Variants in PAPPA2 observed in about 807,000 individuals in gnomAD.
PAPPA2 encodes the protein pappalysin-2.
PAPPA2 carries 86 observed loss-of-function variants against 176.4 expected under a neutral mutation model. The observed-to-expected ratio is 0.49, with a 90% CI of 0.41 to 0.58. PAPPA2 has a LOEUF of 0.58. Ranked by LOEUF, PAPPA2 falls within the 20% of genes least tolerant of loss-of-function variation. The pLI is 0.00. For synonymous variants in PAPPA2, 809 were observed against 852.2 expected (o/e 0.95, Z 0.88); for missense variants, 2,073 against 2,256.9 (o/e 0.92, Z 1.65).
intron 1 of PAPPA2, among the ~76,000 whole-genome samples, chr1:176,525,460 A>G (rs1649450743): frequency 1.3e-5 from 2 of 152,192 alleles, no homozygotes; most frequent in South Asian, 4.1e-4. Context: ...TGTCAAAAAG[A>G]TGTTCAGGAT....
intron 3 of PAPPA2, among the ~76,000 whole-genome samples, chr1:176,665,106 A>G (rs1658565426): frequency 6.6e-6 from 1 of 152,274 alleles, no homozygotes; most frequent in Non-Finnish European, 1.5e-5. Flanking sequence ...GGGTGTGGGG[A>G]AGATTGTGAG....
At chr1:176,784,220 C>G (rs1468824458) in intron 17 of PAPPA2, among the ~76,000 whole-genome samples, 1 of 152,190 alleles carries the variant, frequency 6.6e-6, no homozygotes, top group Non-Finnish European at 1.5e-5. Flanking sequence ...GCCTGTTTGT[C>G]TAGTATCCAA....
chr1:176,781,365 C>CTTTTTTTTTTTTTTTTTTT (rs35029858), intron 17 of PAPPA2, among the ~76,000 whole-genome samples: 1 of 46,228 alleles, frequency 2.2e-5, no homozygotes, highest in Non-Finnish European at 3.7e-5. Flanking sequence ...TTGTAAGGGG[C>CTTTTTTTTTTTTTTTTTTT]TTTTTTTTTT....
intron 2 of PAPPA2, among the ~76,000 whole-genome samples, chr1:176,580,070 A>C (rs1652874316): frequency 6.6e-6 from 1 of 152,196 alleles, no homozygotes; most frequent in South Asian, 2.1e-4. Context: ...TTTTAACCAT[A>C]GTCATCCTAC....
chr1:176,481,032 C>T (rs77721579), intron 1 of PAPPA2, among the ~76,000 whole-genome samples: 2 of 152,238 alleles, frequency 1.3e-5, no homozygotes, highest in African/African-American at 4.8e-5. Context: ...GGCCTACCTG[C>T]ACCACCCACT....
intron 3 of PAPPA2, among the ~76,000 whole-genome samples, chr1:176,601,184 C>T (rs1654299831): frequency 6.6e-6 from 1 of 152,186 alleles, no homozygotes; most frequent in Non-Finnish European, 1.5e-5. Flanking sequence ...TCTGTCATGT[C>T]TGCTTTCTTG....
chr1:176,694,821 A>G (rs1165510348), intron 6 of PAPPA2, among the ~76,000 whole-genome samples: 2 of 152,238 alleles, frequency 1.3e-5, no homozygotes, highest in Non-Finnish European at 2.9e-5. Context: ...GGAAATATAA[A>G]TCAGAATAGA....
At chr1:176,816,253 A>ATG (rs1553209491) in intron 21 of PAPPA2, among the ~76,000 whole-genome samples, 1 of 138,124 alleles carries the variant, frequency 7.2e-6, no homozygotes, top group African/African-American at 2.8e-5. Context: ...ATATATATAT[A>ATG]TATGTATGTA....
intron 2 of PAPPA2, among the ~76,000 whole-genome samples, chr1:176,559,881 A>G (rs1651558107): frequency 6.6e-6 from 1 of 152,194 alleles, no homozygotes; most frequent in South Asian, 2.1e-4. Context: ...TACCCAATTT[A>G]GGGCATTTTT....
intron 1 of PAPPA2, among the ~76,000 whole-genome samples, chr1:176,542,573 C>G (rs1411507388): frequency 2.0e-5 from 3 of 152,174 alleles, no homozygotes; most frequent in Non-Finnish European, 4.4e-5. Flanking sequence ...AAGCCTGCCC[C>G]CTCAACGATA....
chr1:176,722,364 T>C (rs1661660904), intron 12 of PAPPA2, among the ~76,000 whole-genome samples: 2 of 151,736 alleles, frequency 1.3e-5, no homozygotes, highest in Admixed American at 1.3e-4. Flanking sequence ...GAAAGATCAC[T>C]TTAATTCAAT....
chr1:176,633,158 G>A (rs184762690), intron 3 of PAPPA2, among the ~76,000 whole-genome samples: 21 of 152,294 alleles, frequency 1.4e-4, no homozygotes, highest in African/African-American at 3.4e-4. Flanking sequence ...CATGAGGAGC[G>A]GCAGTCAGAG....
intron 18 of PAPPA2, 146 bp downstream of exon 18, chr1:176,790,123 AG>A (rs1391277243): frequency 1.2e-6 from 1 of 867,982 alleles, no homozygotes; most frequent in Non-Finnish European, 1.7e-6. Flanking sequence ...ATTATGCAAT[AG>A]AAAATTCAGA....
intron 14 of PAPPA2, among the ~76,000 whole-genome samples, chr1:176,757,068 T>C (rs982482993): frequency 1.3e-5 from 2 of 152,236 alleles, no homozygotes; most frequent in African/African-American, 2.4e-5. Context: ...TAGTATTCCA[T>C]GGTGTATATG....
At chr1:176,506,007 T>C (rs1648241251) in intron 1 of PAPPA2, among the ~76,000 whole-genome samples, 1 of 152,130 alleles carries the variant, frequency 6.6e-6, no homozygotes, top group Non-Finnish European at 1.5e-5. Context: ...TGGGGCATCT[T>C]GGATTAATTT....
chr1:176,817,026 A>G (rs1240929487), intron 21 of PAPPA2, among the ~76,000 whole-genome samples: 1 of 152,200 alleles, frequency 6.6e-6, no homozygotes, highest in Non-Finnish European at 1.5e-5. Context: ...ATCAATAGAA[A>G]GCACAGACCC....
intron 3 of PAPPA2, among the ~76,000 whole-genome samples, chr1:176,633,113 G>C (rs2102711541): frequency 6.6e-6 from 1 of 152,340 alleles, no homozygotes; most frequent in African/African-American, 2.4e-5. Context: ...TTGAAGCAGA[G>C]AGAGGTAAGT....
chr1:176,666,646 A>C (rs1658672488), intron 3 of PAPPA2, among the ~76,000 whole-genome samples: 1 of 150,662 alleles, frequency 6.6e-6, no homozygotes, highest in Admixed American at 6.6e-5. Flanking sequence ...AGACCCAGTG[A>C]CCCAGTGATA....
intron 21 of PAPPA2, among the ~76,000 whole-genome samples, chr1:176,813,804 G>A (rs760387205): frequency 6.6e-6 from 1 of 152,116 alleles, no homozygotes; most frequent in Non-Finnish European, 1.5e-5. Flanking sequence ...GATCCCATTT[G>A]TCAATTTTGG....
Sources: allele counts gnomAD v4.1 joint callset (sites outside exome capture counted in the v4.1 genomes callset), GRCh38; gene constraint gnomAD v4.1.1; transcripts MANE v1.5; gene names NCBI Gene and HGNC (gene_info 2026-07-23, HGNC 2026-07-21).